The following ZDHHC14 variants were observed in gnomAD, a reference collection of about 807,000 sequenced individuals.
ZDHHC14 encodes palmitoyltransferase ZDHHC14.
Under a neutral mutation model 47.7 loss-of-function variants are expected in ZDHHC14, and 16 were observed. That is an observed-to-expected ratio of 0.34 (90% CI 0.23 to 0.51). ZDHHC14 has a LOEUF of 0.51. Among genes scored for constraint, ZDHHC14 ranks in the 20% least tolerant of loss-of-function variants. The pLI is 0.97. For missense variants in ZDHHC14, 515 were observed against 662.5 expected (o/e 0.78, Z 2.44); for synonymous variants, 293 against 278.9 (o/e 1.05, Z -0.50).
chr6:157,590,110 T>C (rs1783851910), intron 2 of ZDHHC14, among the ~76,000 whole-genome samples: 1 of 152,166 alleles, frequency 6.6e-6, no homozygotes, highest in African/African-American at 2.4e-5. Context: ...GGAAGAAATT[T>C]CTAAGCAGCA....
At chr6:157,460,097 G>C (rs908270925) in intron 1 of ZDHHC14, among the ~76,000 whole-genome samples, 1 of 151,246 alleles carries the variant, frequency 6.6e-6, no homozygotes, top group African/African-American at 2.4e-5. Context: ...TAGCTACTTG[G>C]GGGGCTGAGG....
At chr6:157,484,411 TACAC>T (rs766380235) in intron 1 of ZDHHC14, among the ~76,000 whole-genome samples, 59 of 144,916 alleles carry the variant, frequency 4.1e-4, no homozygotes, top group African/African-American at 1.4e-3. Context: ...TATATATGTA[TACAC>T]ATATACATAT....
chr6:157,628,772 A>T (rs901874932), intron 4 of ZDHHC14, among the ~76,000 whole-genome samples: 9 of 152,012 alleles, frequency 5.9e-5, no homozygotes, highest in African/African-American at 1.5e-4. Context: ...CCTCCTTGAT[A>T]CGCACATCCC....
intron 1 of ZDHHC14, among the ~76,000 whole-genome samples, chr6:157,420,139 C>A (rs1280118001): frequency 6.6e-6 from 1 of 152,098 alleles, no homozygotes; most frequent in South Asian, 2.1e-4. Context: ...AAAGCAGAAT[C>A]GAGGCACTGA....
intron 3 of ZDHHC14, among the ~76,000 whole-genome samples, chr6:157,599,224 A>G (rs1339897002): frequency 6.6e-6 from 1 of 152,206 alleles, no homozygotes; most frequent in African/African-American, 2.4e-5. Context: ...TAGAATCAAC[A>G]AGGAGGCTGG....
intron 2 of ZDHHC14, among the ~76,000 whole-genome samples, chr6:157,565,026 C>G (rs1472753752): frequency 1.3e-5 from 2 of 152,204 alleles, no homozygotes; most frequent in Non-Finnish European, 2.9e-5. Flanking sequence ...GGGTGGATCA[C>G]TTGAGCTCAG....
intron 1 of ZDHHC14, among the ~76,000 whole-genome samples, chr6:157,484,621 A>G (rs559612497): frequency 4.7e-4 from 71 of 151,910 alleles, no homozygotes; most frequent in African/African-American, 1.6e-3. Context: ...CTAATATTTT[A>G]CAAAGAAATA....
At chr6:157,576,474 A>G (rs1399648665) in intron 2 of ZDHHC14, among the ~76,000 whole-genome samples, 1 of 152,220 alleles carries the variant, frequency 6.6e-6, no homozygotes, top group Non-Finnish European at 1.5e-5. Flanking sequence ...GATTATATTC[A>G]ATGACTCTTA....
At chr6:157,601,235 A>G (rs1303099314) in intron 3 of ZDHHC14, among the ~76,000 whole-genome samples, 4 of 152,382 alleles carry the variant, frequency 2.6e-5, no homozygotes, top group Non-Finnish European at 2.9e-5. Flanking sequence ...AAAGGAAAAA[A>G]GCTAACATTT....
chr6:157,483,120 A>T (rs905320118), intron 1 of ZDHHC14, among the ~76,000 whole-genome samples: 1 of 152,220 alleles, frequency 6.6e-6, no homozygotes, highest in South Asian at 2.1e-4. Flanking sequence ...AGCTATAAGC[A>T]TGCTGATTAC....
chr6:157,638,957 T>C (rs1777113185), intron 5 of ZDHHC14, among the ~76,000 whole-genome samples: 1 of 152,218 alleles, frequency 6.6e-6, no homozygotes, highest in African/African-American at 2.4e-5. Flanking sequence ...TGCCAGGGGC[T>C]ATCAGGAAGG....
intron 3 of ZDHHC14, among the ~76,000 whole-genome samples, chr6:157,606,801 AG>A (rs563007211): frequency 6.6e-6 from 1 of 152,386 alleles, no homozygotes; most frequent in East Asian, 1.9e-4. Flanking sequence ...AATGGAATTC[AG>A]GGGTCCACGA....
intron 1 of ZDHHC14, among the ~76,000 whole-genome samples, chr6:157,410,537 A>C (rs149743933): frequency 6.3e-4 from 96 of 152,344 alleles, no homozygotes; most frequent in African/African-American, 1.6e-3. Flanking sequence ...GGCACCTTAG[A>C]AATAATAGGC....
intron 1 of ZDHHC14, among the ~76,000 whole-genome samples, chr6:157,479,212 G>C (rs1219552632): frequency 1.3e-5 from 2 of 152,168 alleles, no homozygotes; most frequent in Non-Finnish European, 2.9e-5. Context: ...CCCAGTTATG[G>C]GAAATGGGGA....
intron 3 of ZDHHC14, among the ~76,000 whole-genome samples, chr6:157,618,545 C>T (rs1270976006): frequency 2.0e-5 from 3 of 152,136 alleles, no homozygotes; most frequent in Non-Finnish European, 4.4e-5. Context: ...TGGTCTCGAA[C>T]TCCTGACCTC....
rs1783518066 is a variant in ZDHHC14 at position 157,581,435 on chromosome 6, G to C, written c.407-11553G>C. Among the ~76,000 whole-genome samples the C allele has an allele frequency of 2.6e-5, 4 of 151,834 alleles. No individual in the cohort carries two copies. The South Asian group carries it at 8.4e-4, about 32-fold the overall frequency. ...AGAGTTCTGTAGATGTTTGTGCTAG[G>C]TCCATTTGGTCCAGTATTGAATTCA... On this transcript the variant is annotated intron_variant, in intron 2 of 8. Coordinates refer to ENST00000359775, the MANE Select transcript of ZDHHC14 (RefSeq NM_024630.3).
At chr6:157,467,120 A>G (rs1425468410) in intron 1 of ZDHHC14, among the ~76,000 whole-genome samples, 2 of 152,254 alleles carry the variant, frequency 1.3e-5, no homozygotes, top group Non-Finnish European at 2.9e-5. Context: ...GAAGGAGGTC[A>G]TAAAATTCTC....
At chr6:157,500,296 CAA>C (rs1780165835) in intron 1 of ZDHHC14, among the ~76,000 whole-genome samples, 1 of 152,032 alleles carries the variant, frequency 6.6e-6, no homozygotes, top group Non-Finnish European at 1.5e-5. Context: ...CAGTGGAGAA[CAA>C]GAGAGTGAGT....
At chr6:157,663,927 A>C (rs1451035554) in intron 8 of ZDHHC14, among the ~76,000 whole-genome samples, 1 of 152,142 alleles carries the variant, frequency 6.6e-6, no homozygotes, top group African/African-American at 2.4e-5. Flanking sequence ...AAACCGGAGG[A>C]GGGAGAGCTT....
Sources: allele counts gnomAD v4.1 joint callset (sites outside exome capture counted in the v4.1 genomes callset), GRCh38; gene constraint gnomAD v4.1.1; transcripts MANE v1.5; gene names NCBI Gene and HGNC (gene_info 2026-07-23, HGNC 2026-07-21).